Variants in MMP15 observed in about 807,000 individuals in gnomAD.
MMP15 encodes matrix metalloproteinase-15.
A neutral mutation model predicts 65.0 loss-of-function variants in MMP15; 36 were observed. The ratio of observed to expected loss-of-function variants is 0.55; its 90% CI spans 0.42 to 0.73. MMP15 has a LOEUF of 0.73. MMP15 is among the 30% of genes least tolerant of loss of function. MMP15 has a pLI of 0.00. For missense variants in MMP15, 870 were observed against 987.8 expected (o/e 0.88, Z 1.60); for synonymous variants, 428 against 410.2 (o/e 1.04, Z -0.52).
chr16:58,045,833 C>G lies in MMP15; in HGVS notation c.*387C>G, dbSNP rs933045438. 4.9e-6 allele frequency: 1 copy of G among 205,434 alleles called. No homozygotes were observed. Among genetic ancestry groups the G allele is most frequent in the African/African-American group, 2.3e-5 (1 of 42,804 alleles). The allele number at this position is 205,434 out of a possible 1,614,324, so 12.7% of individuals were successfully genotyped here. On this transcript the variant is annotated 3_prime_UTR_variant, in exon 10 of 10. Coordinates refer to ENST00000219271, the MANE Select transcript of MMP15 (RefSeq NM_002428.4). ...CAGGCTCTCTTTGCCCAGTTGGAGA[C>G]TGTCTGGCCCCCCTGGTCCCCTCCT...
At position 58,025,797 on chromosome 16, in the gene MMP15, G is replaced by T. The variant is rs1405246943; in HGVS notation, c.-554G>T. 1 of 152,086 alleles carries T rather than the reference G, an allele frequency of 6.6e-6. No homozygotes were observed. Among genetic ancestry groups the T allele is most frequent in the Non-Finnish European group, 1.5e-5 (1 of 68,012 alleles). The allele number at this position is 152,086 out of a possible 1,614,324, so 9.4% of individuals were successfully genotyped here. On this transcript the variant is annotated 5_prime_UTR_variant, in exon 1 of 10. Coordinates refer to ENST00000219271, the MANE Select transcript of MMP15 (RefSeq NM_002428.4). ...CCGGAGCCGCGCTGAACTCGCCGGG[G>T]ACGTCGGGCGCCCGCTCCTTGGCTG...
chr16:58,028,319 T>C (rs1963853054), intron 1 of MMP15, among the ~76,000 whole-genome samples: 1 of 152,174 alleles, frequency 6.6e-6, no homozygotes, highest in African/African-American at 2.4e-5. Context: ...GGAGCCCTAC[T>C]CCTGGGGAAA....
chr16:58,043,639 G>T lies in MMP15; in HGVS notation c.1570+12G>T. 6.3e-7 allele frequency: 1 copy of T among 1,589,764 alleles called. No individual in the cohort carries two copies. The highest frequency in any genetic ancestry group is 2.2e-5 in the East Asian group (1 of 44,496). ...GAGCAATGACGCAGGTACCTGGCCA[G>T]CCCCTCCCAGTTTGCCCAGCACCTA... On this transcript the variant is annotated intron_variant, in intron 9 of 9. Coordinates refer to ENST00000219271, the MANE Select transcript of MMP15 (RefSeq NM_002428.4).
In MMP15 at chr16:58,041,768, C is replaced by A; in HGVS notation, c.1062C>A (p.Val354=). The A allele has an allele frequency of 6.2e-7, 1 of 1,607,862 alleles. No individual in the cohort carries two copies. The highest frequency in any genetic ancestry group is 8.5e-7 in the Non-Finnish European group (1 of 1,177,246). The change falls in exon 6 of 10, where the codon GTC becomes GTA. Residue 354 remains valine, a synonymous_variant. Transcript: ENST00000219271. ...GGCCCCCAAAGCCGGGCCCCCCAGT[C>A]CAGCCCCGAGCCACAGAGCGGCCCG... The part of the protein sequence containing the change: ...PERPPKPGPP[V]QPRATERPDQ...
intron 2 of MMP15, 98 bp from the exon 3 acceptor site, chr16:58,038,168 C>A: frequency 6.6e-7 from 1 of 1,508,856 alleles, no homozygotes. Context: ...ATAGGAGGGG[C>A]GGCTGGGAAG....
chr16:58,045,744 A>C lies in MMP15; in HGVS notation c.*298A>C. ...GGCTTGGCCACAGCCAGGGGAGCAG[A>C]GGGGCAGAGGCCCACATTGGAAGAG... On this transcript the variant is annotated 3_prime_UTR_variant, in exon 10 of 10. Transcript: ENST00000219271. 2.5e-6 allele frequency: 1 copy of C among 404,134 alleles called. No homozygotes were observed. The highest frequency in any genetic ancestry group is 4.4e-6 in the Non-Finnish European group (1 of 226,890). 25.0% of individuals were successfully genotyped at this position (404,134 alleles called of 1,614,324 possible).
Position 58,037,552 on chromosome 16 carries a change from G to A in MMP15, c.243G>A (p.Ser81=), listed in dbSNP as rs377011147. 5.8e-5 allele frequency: 94 copies of A among 1,614,130 alleles called. 1 individual carries two copies. The highest frequency in any genetic ancestry group is 3.2e-4 in the South Asian group (29 of 91,092). Residue 81 remains serine, a synonymous_variant, in exon 2 of 10, where the codon TCG becomes TCA. Transcript: ENST00000219271. ...STMRSAQILA[S]ALAEMQRFYG... is the part of the protein sequence containing the mutation. ...TGCGTTCCGCCCAGATCTTGGCCTC[G>A]GCCCTTGCAGAGATGCAGCGCTTCT...
At chr16:58,040,368 G>T (rs1185445793) in intron 4 of MMP15, among the ~76,000 whole-genome samples, 169 bp from the exon 5 acceptor site, 3 of 152,232 alleles carry the variant, frequency 2.0e-5, no homozygotes, top group African/African-American at 7.2e-5. Flanking sequence ...GAGAAAGGAT[G>T]ATTGTACCCA....
At chr16:58,044,203 G>A (rs1959509057) in intron 9 of MMP15, among the ~76,000 whole-genome samples, 1 of 152,182 alleles carries the variant, frequency 6.6e-6, no homozygotes, top group Non-Finnish European at 1.5e-5. Flanking sequence ...CCCAGCTCTT[G>A]GAGAGGCCGA....
intron 9 of MMP15, among the ~76,000 whole-genome samples, chr16:58,044,409 T>C (rs1448081235): frequency 6.6e-6 from 1 of 152,218 alleles, no homozygotes; most frequent in African/African-American, 2.4e-5. Flanking sequence ...ATCGCGCCAC[T>C]ATACTCCAGC....
Position 58,037,751 on chromosome 16 carries a change from C to A in MMP15, c.311+131C>A, listed in dbSNP as rs574752992. The stretch of plus-strand genomic sequence containing the variant: ...AGAGATGCCAAATGGTTTGGTCCTC[C>A]ATGTCACTTCTGATTGGTTGGAGTG... On this transcript the variant is annotated intron_variant, in intron 2 of 9. Coordinates refer to ENST00000219271, the MANE Select transcript of MMP15 (RefSeq NM_002428.4). The A allele has an allele frequency of 2.2e-5, 29 of 1,319,660 alleles. No individual in the cohort carries two copies. In the South Asian group the frequency reaches 4.1e-4, roughly 18 times the overall value. 81.7% of individuals were successfully genotyped at this position (1,319,660 alleles called of 1,614,324 possible).
rs768002784 is a variant in MMP15, at chr16:58,039,889, C to A, written c.455C>A (p.Thr152Lys). 1 of 1,603,300 alleles carries A rather than the reference C, an allele frequency of 6.2e-7. No homozygotes were observed. The highest frequency in any genetic ancestry group is 8.5e-7 in the Non-Finnish European group (1 of 1,172,030). Residue 152 changes from threonine to lysine, a missense_variant, in exon 4 of 10, where the codon ACG becomes AAG. Transcript: ENST00000219271. Reference protein sequence around the residue: ...HHLTFSIQNYTEKLGWYHSME... With the variant: ...HHLTFSIQNYKEKLGWYHSME... ...CCCACCCCCAGCATCCAGAACTACACGGAGAAGTTGGGCTGGTACCACTCG... is the reference window on the plus strand; with the variant it reads ...CCCACCCCCAGCATCCAGAACTACAAGGAGAAGTTGGGCTGGTACCACTCG...
In MMP15 at chr16:58,038,378, C is replaced by T; in HGVS notation, c.424C>T (p.His142Tyr). The T allele has an allele frequency of 6.2e-7, 1 of 1,614,060 alleles. No individual in the cohort carries two copies. Residue 142 changes from histidine to tyrosine, a missense_variant, in exon 3 of 10, where the codon CAC (histidine) becomes TAC (tyrosine). His to Tyr is a moderately conservative substitution (Grantham distance 83). Coordinates refer to ENST00000219271, the MANE Select transcript of MMP15 (RefSeq NM_002428.4). ...CCTCACCGGGAGGAAGTGGAACAACCACCATCTGACCTTTAGGTAGGGGGC... is the reference window on the plus strand; with the variant it reads ...CCTCACCGGGAGGAAGTGGAACAACTACCATCTGACCTTTAGGTAGGGGGC... ...YALTGRKWNN[H>Y]HLTFSIQNYT...
intron 9 of MMP15, among the ~76,000 whole-genome samples, 175 bp from the exon 10 acceptor site, chr16:58,044,832 G>A (rs1293766405): frequency 1.3e-5 from 2 of 152,222 alleles, no homozygotes; most frequent in Non-Finnish European, 2.9e-5. Context: ...TTAGCCCAAA[G>A]CCCTCTGAGC....
intron 1 of MMP15, among the ~76,000 whole-genome samples, chr16:58,034,909 C>T (rs1326733616): frequency 6.6e-6 from 1 of 151,500 alleles, no homozygotes; most frequent in Non-Finnish European, 1.5e-5. Context: ...CTTTCCTCCC[C>T]AGGGCCCCAG....
intron 1 of MMP15, among the ~76,000 whole-genome samples, chr16:58,034,821 C>G (rs1297621165): frequency 6.6e-6 from 1 of 152,134 alleles, no homozygotes; most frequent in Non-Finnish European, 1.5e-5. Flanking sequence ...CCTGGCAGCC[C>G]CTGAGCTGGC....
chr16:58,027,039 G>A (rs955880361), intron 1 of MMP15, among the ~76,000 whole-genome samples: 2 of 152,372 alleles, frequency 1.3e-5, no homozygotes, highest in African/African-American at 2.4e-5. Context: ...CCAGGATGGA[G>A]GCGGGGGGAT....
At chr16:58,039,127 A>G (rs538253037) in intron 3 of MMP15, among the ~76,000 whole-genome samples, 5 of 152,280 alleles carry the variant, frequency 3.3e-5, no homozygotes, top group African/African-American at 1.2e-4. Context: ...ACTCTTTTCT[A>G]ACTTAACAGA....
intron 7 of MMP15, among the ~76,000 whole-genome samples, chr16:58,042,655 C>G (rs1959480201): frequency 1.3e-5 from 2 of 152,232 alleles, no homozygotes; most frequent in Admixed American, 1.3e-4. Flanking sequence ...TCCTGCAGCC[C>G]CATCCTCATA....
Sources: gnomAD v4.1 joint callset for allele counts (sites outside exome capture counted in the v4.1 genomes callset) on GRCh38, gnomAD v4.1.1 for gene constraint, MANE v1.5 for transcripts, NCBI Gene and HGNC (gene_info 2026-07-23, HGNC 2026-07-21) for gene names.